Variants in CAST observed in about 807,000 individuals in gnomAD.
CAST encodes MIR583 host.
CAST carries 76 observed loss-of-function variants against 119.6 expected under a neutral mutation model. The observed-to-expected ratio is 0.64, with a 90% CI of 0.53 to 0.77. CAST has a LOEUF of 0.77. Among genes scored for constraint, CAST ranks in the 30% least tolerant of loss-of-function variants. The pLI is 0.00. For missense variants in CAST, 953 were observed against 946.5 expected, an observed-to-expected ratio of 1.01 and a Z score of -0.09; for synonymous variants, 319 against 331.6, an observed-to-expected ratio of 0.96 and a Z score of 0.41.
the CAST span, among the ~76,000 whole-genome samples, chr5:96,051,389 A>C: frequency 6.6e-6 from 1 of 152,180 alleles, no homozygotes; most frequent in East Asian, 1.9e-4. Flanking sequence ...TATTGAAGTC[A>C]AACTGTTCAG....
At chr5:96,037,582 C>T in the CAST span, among the ~76,000 whole-genome samples, 2 of 151,948 alleles carry the variant, frequency 1.3e-5, no homozygotes, top group Admixed American at 1.3e-4. Flanking sequence ...AACAAGAATG[C>T]CAACACTATA....
At chr5:96,206,552 T>C in the CAST span, among the ~76,000 whole-genome samples, 1 of 151,986 alleles carries the variant, frequency 6.6e-6, no homozygotes, top group African/African-American at 2.4e-5. Flanking sequence ...ACAGTTTATT[T>C]AATAGGCAAT....
the CAST span, among the ~76,000 whole-genome samples, chr5:96,263,323 G>A: frequency 6.6e-6 from 1 of 152,050 alleles, no homozygotes; most frequent in East Asian, 1.9e-4. Context: ...GGGGTTGTGG[G>A]TGGTAAGTGA....
At chr5:96,193,086 T>C in the CAST span, among the ~76,000 whole-genome samples, 3 of 152,162 alleles carry the variant, frequency 2.0e-5, no homozygotes, top group Non-Finnish European at 4.4e-5. Flanking sequence ...AATCAGAAAA[T>C]TTAAGAGCTT....
chr5:96,695,958 A>G (rs376126808), intron 3 of CAST, 51 bp downstream of exon 3: 4 of 1,284,240 alleles, frequency 3.1e-6, no homozygotes, highest in Non-Finnish European at 1.1e-6. Flanking sequence ...CTACAGGGAT[A>G]TGATTAGTGG....
intron 27 of CAST, 47 bp from the exon 28 acceptor site, chr5:96,767,391 C>G (rs1232687636): frequency 1.3e-6 from 2 of 1,512,730 alleles, no homozygotes; most frequent in African/African-American, 2.8e-5. Context: ...CCTAAGTAAA[C>G]CTTTACAGAT....
At chr5:96,025,809 A>G in the CAST span, among the ~76,000 whole-genome samples, 1 of 152,248 alleles carries the variant, frequency 6.6e-6, no homozygotes. Flanking sequence ...TAAGTAGCAT[A>G]GTGTCCCAGG....
chr5:96,042,014 C>T, the CAST span, among the ~76,000 whole-genome samples: 18 of 152,222 alleles, frequency 1.2e-4, no homozygotes, highest in African/African-American at 3.6e-4. Flanking sequence ...AAGTAATTTT[C>T]GGTCTGCTGG....
chr5:96,411,784 A>T, the CAST span, among the ~76,000 whole-genome samples: 2 of 152,208 alleles, frequency 1.3e-5, no homozygotes, highest in Non-Finnish European at 2.9e-5. Context: ...TCAACCTCAG[A>T]CCCAAATAGG....
At chr5:96,546,302 A>C (rs933974368) in intron 1 of CAST, 3 of 152,188 alleles carry the variant, frequency 2.0e-5, no homozygotes, top group African/African-American at 7.2e-5. Context: ...ACCCAGGTTA[A>C]AAGGTTCTGA....
chr5:96,614,920 C>T (rs1561430801), intron 1 of CAST, among the ~76,000 whole-genome samples: 1 of 81,934 alleles, frequency 1.2e-5, no homozygotes, highest in South Asian at 2.8e-4. Flanking sequence ...ACTGGGGAGG[C>T]CCTCAGCGCT....
chr5:96,250,229 A>G, the CAST span, among the ~76,000 whole-genome samples: 1 of 152,182 alleles, frequency 6.6e-6, no homozygotes. Flanking sequence ...AGATCACCAA[A>G]CTAAAGGCTT....
chr5:96,168,590 T>C, the CAST span, among the ~76,000 whole-genome samples: 77,650 of 151,962 alleles, frequency 0.51, 20,905 homozygotes, highest in Non-Finnish European at 0.6. Flanking sequence ...ATAGCATAGC[T>C]TGCCTTTGCT....
chr5:96,654,027 C>CT (rs71617134), intron 1 of CAST, among the ~76,000 whole-genome samples: 3,311 of 126,886 alleles, frequency 0.026, 142 homozygotes, highest in African/African-American at 0.09. Context: ...CTTTTCTTTT[C>CT]TTTTTTTTTT....
At chr5:96,700,670 C>G (rs886672005) in intron 3 of CAST, among the ~76,000 whole-genome samples, 1 of 152,152 alleles carries the variant, frequency 6.6e-6, no homozygotes, top group South Asian at 2.1e-4. Flanking sequence ...ACTAGAGAAT[C>G]TGATTAAAAT....
chr5:96,123,324 A>G, the CAST span, among the ~76,000 whole-genome samples: 1 of 152,142 alleles, frequency 6.6e-6, no homozygotes, highest in Admixed American at 6.6e-5. Flanking sequence ...ATTTTTCATC[A>G]TTATTTACTT....
chr5:96,011,033 C>T, the CAST span, among the ~76,000 whole-genome samples: 3 of 152,262 alleles, frequency 2.0e-5, no homozygotes, highest in South Asian at 6.2e-4. Context: ...GGTATAGAAT[C>T]ATATTGTCAA....
chr5:96,512,746 T>C, the CAST span, among the ~76,000 whole-genome samples: 1 of 152,226 alleles, frequency 6.6e-6, no homozygotes, highest in African/African-American at 2.4e-5. Context: ...GAAGTTAAAG[T>C]ATTTACTAAG....
the CAST span, among the ~76,000 whole-genome samples, chr5:96,353,936 A>G: frequency 6.6e-6 from 1 of 152,042 alleles, no homozygotes; most frequent in Non-Finnish European, 1.5e-5. Flanking sequence ...TTCCCTGGGG[A>G]ACCTTGACTA....
Sources: gnomAD v4.1 joint callset for allele counts (sites outside exome capture counted in the v4.1 genomes callset) on GRCh38, gnomAD v4.1.1 for gene constraint, MANE v1.5 for transcripts, NCBI Gene and HGNC (gene_info 2026-07-23, HGNC 2026-07-21) for gene names.